The following FAT2 variants were observed in gnomAD, a reference collection of about 807,000 sequenced individuals.
The protein encoded by FAT2 is FAT atypical cadherin 2.
Under a neutral mutation model 295.3 loss-of-function variants are expected in FAT2, and 150 were observed. The observed-to-expected ratio is 0.51, with a 90% CI of 0.44 to 0.58. FAT2 has a LOEUF of 0.58. Ranked by LOEUF, FAT2 falls within the 20% of genes least tolerant of loss-of-function variation. The pLI, the probability that FAT2 is intolerant of heterozygous loss-of-function variation, is 0.00. For synonymous variants in FAT2, 2,026 were observed against 2,150.3 expected (o/e 0.94, Z 1.60); for missense variants, 4,868 against 5,442.7 (o/e 0.89, Z 3.32).
At position 151,544,486 on chromosome 5, in the gene FAT2, A is replaced by T. The variant is rs775706255; in HGVS notation, c.6641T>A (p.Met2214Lys). The change falls in exon 10 of 24, where the codon ATG (methionine) becomes AAG (lysine). Residue 2214 changes from methionine (M) to lysine (K), a missense_variant. Physicochemically the swap from Met to Lys is moderately conservative, Grantham distance 95. Coordinates refer to ENST00000261800, the MANE Select transcript of FAT2 (RefSeq NM_001447.3). ...AGTCTTGAAGTCAGTGGTGAACAGCATCAAGGGTTCTTCCTCCACAATGTT... is the reference window on the plus strand; with the variant it reads ...AGTCTTGAAGTCAGTGGTGAACAGCTTCAAGGGTTCTTCCTCCACAATGTT... ...IYNIVEEEPL[M>K]LFTTDFKTGV... The T allele has an allele frequency of 6.2e-6, 10 of 1,614,144 alleles. No homozygotes were observed. Among genetic ancestry groups the T allele is most frequent in the Non-Finnish European group, 8.5e-6 (10 of 1,180,024 alleles).
chr5:151,554,288 C>T (rs1757492200), intron 5 of FAT2, 74 bp downstream of exon 5: 1 of 1,397,432 alleles, frequency 7.2e-7, no homozygotes, highest in African/African-American at 1.4e-5. Context: ...CTGTCTCCCT[C>T]CTCCTGAATT....
rs775307587 is a variant in FAT2, at chr5:151,531,570, G to A, written c.9811+17C>T. ...CCTGTACGCGATGCTTTGGGGCTTG[G>A]TGGATCAGGCTCTCACCTGTGCGAG... On this transcript the variant is annotated intron_variant, in intron 14 of 23. Transcript: ENST00000261800. This position sits in a 1 kb window ranked among gnomAD's most constrained non-coding sequence, Gnocchi z 5.7. 1 of 1,611,666 alleles carries A rather than the reference G, an allele frequency of 6.2e-7. No individual in the cohort carries two copies. Among genetic ancestry groups the A allele is most frequent in the South Asian group, 1.1e-5 (1 of 90,878 alleles).
chr5:151,549,323 A>G lies in FAT2; in HGVS notation c.4761T>C (p.Asn1587=), dbSNP rs1466954197. ...VRAMDADRGV[N]AEVHYSLLKG... ...TCAGGAGGGAGTAGTGGACCTCAGC[A>G]TTGACTCCCCGGTCAGCATCCATGG... Residue 1587 remains asparagine (N), a synonymous_variant, in exon 9 of 24, where the codon AAT becomes AAC. Coordinates refer to ENST00000261800, the MANE Select transcript of FAT2 (RefSeq NM_001447.3). 6.2e-7 allele frequency: 1 copy of G among 1,613,358 alleles called. No homozygotes were observed. Among genetic ancestry groups the G allele is most frequent in the Non-Finnish European group, 8.5e-7 (1 of 1,180,006 alleles).
intron 11 of FAT2, among the ~76,000 whole-genome samples, chr5:151,540,009 G>T (rs556614281): frequency 6.6e-6 from 1 of 152,246 alleles, no homozygotes; most frequent in African/African-American, 2.4e-5. Flanking sequence ...GTTTGTCTGG[G>T]GTCAGGTCTC....
chr5:151,541,588 A>G (rs1756152576), intron 10 of FAT2, among the ~76,000 whole-genome samples: 1 of 152,178 alleles, frequency 6.6e-6, no homozygotes, highest in Non-Finnish European at 1.5e-5. Context: ...TGGGGATGAG[A>G]AAAAAAGGCC....
chr5:151,593,718 A>T (rs1185577205), upstream of FAT2, among the ~76,000 whole-genome samples: 1 of 152,068 alleles, frequency 6.6e-6, no homozygotes, highest in Admixed American at 6.6e-5. Flanking sequence ...TAATAATAAT[A>T]ATAGGCTGGG....
intron 11 of FAT2, 79 bp from the exon 12 acceptor site, chr5:151,538,025 G>A (rs1755650022): frequency 7.5e-7 from 1 of 1,341,216 alleles, no homozygotes; most frequent in Non-Finnish European, 1.0e-6. Flanking sequence ...GACTGACTGA[G>A]GGAGGCAGAA....
intron 9 of FAT2, among the ~76,000 whole-genome samples, chr5:151,546,987 T>G (rs1245309772): frequency 6.6e-6 from 1 of 152,224 alleles, no homozygotes; most frequent in African/African-American, 2.4e-5. Context: ...CTCTAGGCAT[T>G]CTCACATCAC....
chr5:151,587,212 T>C (rs964466972), intron 1 of FAT2, among the ~76,000 whole-genome samples: 3 of 152,118 alleles, frequency 2.0e-5, no homozygotes, highest in African/African-American at 7.2e-5. Context: ...AGCTGAGTGA[T>C]AGGGCTTCTT....
chr5:151,527,577 C>G (rs1754151438), intron 16 of FAT2, among the ~76,000 whole-genome samples, 200 bp from the exon 17 acceptor site: 1 of 152,076 alleles, frequency 6.6e-6, no homozygotes, highest in African/African-American at 2.4e-5. Flanking sequence ...CAATCATTTG[C>G]TGGCAATGAG....
chr5:151,578,820 G>A lies in FAT2; in HGVS notation c.-20-9869C>T, dbSNP rs184365637. ...GGTAAATTTTGTCAGTTGTGACAGC[G>A]CATATGAACCCGGAGGGCATTATGT... is the stretch of plus-strand genomic sequence containing the variant. On this transcript the variant is annotated intron_variant, in intron 1 of 23. Transcript: ENST00000261800. Among the ~76,000 whole-genome samples, 389 of 152,318 alleles carry A rather than the reference G, an allele frequency of 2.6e-3. 3 individuals carry two copies. The highest frequency in any genetic ancestry group is 8.7e-3 in the African/African-American group (360 of 41,564).
In FAT2 at chr5:151,551,697, A is replaced by G. The variant is rs531699726; in HGVS notation, c.4157-91T>C. ...GCTTTGGTTGTCAGGCTCAGAGGAC[A>G]CGGTGGTAAATTCCACAGTACAAGA... On this transcript the variant is annotated intron_variant, in intron 6 of 23. Coordinates refer to ENST00000261800, the MANE Select transcript of FAT2 (RefSeq NM_001447.3). 30 of 1,395,946 alleles carry G rather than the reference A, an allele frequency of 2.1e-5. No homozygotes were observed. The South Asian group carries it at 3.4e-4, about 16-fold the overall frequency. The allele number at this position is 1,395,946 out of a possible 1,614,324, so 86.5% of individuals were successfully genotyped here.
rs140091294 is a variant in FAT2, at chr5:151,531,380, G to A, written c.9811+207C>T. 3.2e-3 allele frequency among the ~76,000 whole-genome samples: 480 copies of A among 152,156 alleles called. 1 individual carries two copies. Among genetic ancestry groups the A allele is most frequent in the African/African-American group, 0.011 (454 of 41,524 alleles). ...CTGGCTGCGGACGTGGGAGGGTCCC[G>A]TTTAAGGGAGGCTCCCACATAAGCT... On this transcript the variant is annotated intron_variant, in intron 14 of 23. Coordinates refer to ENST00000261800, the MANE Select transcript of FAT2 (RefSeq NM_001447.3). This position sits in a 1 kb window ranked among gnomAD's most constrained non-coding sequence, Gnocchi z 5.7.
Position 151,542,598 on chromosome 5 carries a change from A to C in FAT2, c.8529T>G (p.Asn2843Lys). 6.2e-7 allele frequency: 1 copy of C among 1,614,214 alleles called. No homozygotes were observed. The highest frequency in any genetic ancestry group is 1.1e-5 in the South Asian group (1 of 91,088). ...TGTCAATGGCAAAGAGCTCATGGAC[A>C]TTGCTACCAGGGTCTGCAGACAGCC... ...SYRLSADPGS[N>K]VHELFAIDSE... Residue 2843 changes from asparagine (N) to lysine (K), a missense_variant, in exon 10 of 24, where the codon AAT becomes AAG. By Grantham distance (94) the Asn-to-Lys change is moderately conservative. This residue lies in a region of FAT2 where 3,297 missense variants were observed against 3,669.4 expected (regional missense o/e 0.90). Transcript: ENST00000261800.
Position 151,542,376 on chromosome 5 carries a change from C to G in FAT2, c.8751G>C (p.Glu2917Asp). ...CCACCAGTTCGCCAGGCTCACTGTT[C>G]TCAACCACAGATCCTCTGTACTCTT... ...ASEEYRGSVVENSEPGELVAT... is the reference protein window; with the variant it reads ...ASEEYRGSVVDNSEPGELVAT... The change falls in exon 10 of 24, where the codon GAG (glutamate) becomes GAC (aspartate). Residue 2917 changes from glutamate (E) to aspartate (D), a missense_variant. Transcript: ENST00000261800. 1 of 1,614,192 alleles carries G rather than the reference C, an allele frequency of 6.2e-7. No homozygotes were observed. Among genetic ancestry groups the G allele is most frequent in the East Asian group, 2.2e-5 (1 of 44,886 alleles).
At chr5:151,542,093 G>T (rs1756206617) in intron 10 of FAT2, among the ~76,000 whole-genome samples, 192 bp downstream of exon 10, 1 of 152,234 alleles carries the variant, frequency 6.6e-6, no homozygotes, top group South Asian at 2.1e-4. Context: ...TTACCAGCAT[G>T]CCTGTGAGGT....
rs1757387390 is a variant in FAT2, at chr5:151,553,336, G to A, written c.3997C>T (p.His1333Tyr). 1 of 1,614,260 alleles carries A rather than the reference G, an allele frequency of 6.2e-7. No homozygotes were observed. The highest frequency in any genetic ancestry group is 8.5e-7 in the Non-Finnish European group (1 of 1,180,046). The change falls in exon 6 of 24, where the codon CAC becomes TAC. Residue 1333 changes from histidine to tyrosine, a missense_variant. By Grantham distance (83) the His-to-Tyr change is moderately conservative (BLOSUM62 2). Around this residue, in one of 5 missense-constraint regions of FAT2, gnomAD observed 3,297 missense variants for 3,669.4 expected, o/e 0.90. Transcript: ENST00000261800. ...CGGGGCCAAGGGATCCACTCAATGT[G>A]TAGCCGGACACTGGCTGAGAGTGGT... is the stretch of plus-strand genomic sequence containing the variant. Reference protein sequence around the residue: ...QPPLSASVRLHIEWIPWPRPS... With the variant: ...QPPLSASVRLYIEWIPWPRPS...
At chr5:151,525,660 C>T (rs1753907879) in intron 18 of FAT2, 108 bp downstream of exon 18, 2 of 1,271,836 alleles carry the variant, frequency 1.6e-6, no homozygotes, top group African/African-American at 2.9e-5. Flanking sequence ...CTGATGCATC[C>T]TAAGTGCTTT....
At position 151,514,355 on chromosome 5, in the gene FAT2, C is replaced by T. The variant is rs945813394; in HGVS notation, c.11464-1749G>A. 1.6e-4 allele frequency among the ~76,000 whole-genome samples: 25 copies of T among 152,186 alleles called. No individual in the cohort carries two copies. In the East Asian group the frequency reaches 2.3e-3, roughly 14 times the overall value. On this transcript the variant is annotated intron_variant, in intron 20 of 23. Coordinates refer to ENST00000261800, the MANE Select transcript of FAT2 (RefSeq NM_001447.3). ...TTGTCTCCCACCTCTGTAATGTCCT[C>T]GTTCCTCTCCTTATCCAGTTTAAGT...
Sources: allele counts gnomAD v4.1 joint callset (sites outside exome capture counted in the v4.1 genomes callset), GRCh38; gene constraint gnomAD v4.1.1; regional missense constraint gnomAD v4.1.1; non-coding constraint Gnocchi (gnomAD v3.1); transcripts MANE v1.5; gene names NCBI Gene and HGNC (gene_info 2026-07-23, HGNC 2026-07-21).